The following ERC2 variants were observed in gnomAD, a reference collection of about 807,000 sequenced individuals.
ERC2 encodes the protein ELKS/RAB6-interacting/CAST family member 2.
ERC2 carries 42 observed loss-of-function variants against 114.8 expected under a neutral mutation model. That is an observed-to-expected ratio of 0.37 (90% confidence interval 0.29 to 0.47). ERC2 has a LOEUF of 0.47. ERC2 is among the 20% of genes least tolerant of loss of function. The probability of loss-of-function intolerance (pLI) is 0.99; values close to 1 mark genes in which losing one functional copy is unlikely to be tolerated. For missense variants in ERC2, 939 were observed against 1,150.7 expected (o/e 0.82, Z 2.66); for synonymous variants, 454 against 425.5 (o/e 1.07, Z -0.82).
intron 3 of ERC2, among the ~76,000 whole-genome samples, chr3:56,191,116 T>C (rs2083969770): frequency 6.6e-6 from 1 of 151,814 alleles, no homozygotes; most frequent in South Asian, 2.1e-4. Context: ...AGGGCACAGG[T>C]GGAGTTACAG....
chr3:55,935,781 C>T (rs1393694265), intron 13 of ERC2, among the ~76,000 whole-genome samples: 1 of 152,128 alleles, frequency 6.6e-6, no homozygotes, highest in Non-Finnish European at 1.5e-5. Context: ...TGTTACGCTG[C>T]CCTCCCTGCT....
intron 13 of ERC2, among the ~76,000 whole-genome samples, chr3:55,916,928 A>G (rs983160921): frequency 7.2e-5 from 11 of 152,210 alleles, no homozygotes; most frequent in African/African-American, 2.7e-4. Context: ...AAATGAGTAA[A>G]CAGTTTAATT....
intron 1 of ERC2, among the ~76,000 whole-genome samples, chr3:56,442,364 C>T (rs950880741): frequency 2.0e-5 from 3 of 152,078 alleles, no homozygotes; most frequent in East Asian, 1.9e-4. Context: ...GGACCACAAG[C>T]GCACACCCCC....
chr3:56,075,304 T>A (rs1386730653), intron 7 of ERC2, among the ~76,000 whole-genome samples: 2 of 152,138 alleles, frequency 1.3e-5, no homozygotes, highest in East Asian at 3.9e-4. Flanking sequence ...GACAGTGCAA[T>A]GTGAGGGCAG....
chr3:55,550,671 G>T (rs1342584437), intron 17 of ERC2, among the ~76,000 whole-genome samples: 1 of 152,160 alleles, frequency 6.6e-6, no homozygotes, highest in Non-Finnish European at 1.5e-5. Flanking sequence ...AGAGATGGGG[G>T]AAGATTTGAC....
chr3:55,730,525 T>C (rs1262991869), intron 15 of ERC2, among the ~76,000 whole-genome samples: 1 of 152,198 alleles, frequency 6.6e-6, no homozygotes, highest in Non-Finnish European at 1.5e-5. Context: ...AATAACTCAG[T>C]CACTTGTGGT....
rs145178112 is a variant in ERC2, at chr3:56,368,811, G to GA, written c.657+65539dup. 9.9e-3 allele frequency among the ~76,000 whole-genome samples: 1,447 copies of GA among 145,904 alleles called. 6 individuals are homozygous for GA. Among genetic ancestry groups the GA allele is most frequent in the Non-Finnish European group, 0.016 (1,039 of 66,354 alleles). On this transcript the variant is annotated intron_variant, in intron 2 of 17. Coordinates refer to ENST00000288221, the MANE Select transcript of ERC2 (RefSeq NM_015576.3). The stretch of plus-strand genomic sequence containing the variant: ...TCTTTATAATCTTCTTGTCTATTGA[G>GA]AAAAAAAAAATCAGAAAAAAAAAAC...
intron 3 of ERC2, among the ~76,000 whole-genome samples, chr3:56,225,167 CCCT>C (rs1206483715): frequency 6.6e-6 from 1 of 152,106 alleles, no homozygotes; most frequent in Non-Finnish European, 1.5e-5. Flanking sequence ...ACCATGTGCC[CCCT>C]CCTTTTTTCC....
At chr3:55,554,786 G>C (rs1385626902) in intron 17 of ERC2, among the ~76,000 whole-genome samples, 2 of 152,004 alleles carry the variant, frequency 1.3e-5, no homozygotes, top group Non-Finnish European at 2.9e-5. Context: ...TTAGGGCTCA[G>C]CCTAGGGGCA....
chr3:56,458,736 G>T (rs926238647), intron 1 of ERC2, among the ~76,000 whole-genome samples: 1 of 152,088 alleles, frequency 6.6e-6, no homozygotes, highest in Non-Finnish European at 1.5e-5. Context: ...GTCAAAATGC[G>T]AAACAAAGAA....
At chr3:56,254,250 T>C in intron 3 of ERC2, among the ~76,000 whole-genome samples, 1 of 152,238 alleles carries the variant, frequency 6.6e-6, no homozygotes, top group East Asian at 1.9e-4. Flanking sequence ...AAATACTTCC[T>C]TGGCTCCTCA....
intron 2 of ERC2, among the ~76,000 whole-genome samples, chr3:56,374,246 G>A (rs2059456542): frequency 1.3e-5 from 2 of 152,178 alleles, no homozygotes; most frequent in African/African-American, 2.4e-5. Context: ...ACAGGCGCCT[G>A]CCACCACGCC....
intron 17 of ERC2, among the ~76,000 whole-genome samples, chr3:55,520,800 A>G (rs2052875163): frequency 6.6e-6 from 1 of 152,186 alleles, no homozygotes; most frequent in Non-Finnish European, 1.5e-5. Context: ...ATAAAGTAAA[A>G]CACTGTTAAA....
At chr3:55,690,384 C>T (rs116928891) in intron 16 of ERC2, among the ~76,000 whole-genome samples, 42 of 152,238 alleles carry the variant, frequency 2.8e-4, no homozygotes, top group East Asian at 1.7e-3. Context: ...CCCTGCTTCC[C>T]GACATTTCAA....
intron 6 of ERC2, among the ~76,000 whole-genome samples, chr3:56,131,701 G>C (rs181633070): frequency 6.6e-6 from 1 of 151,958 alleles, no homozygotes; most frequent in African/African-American, 2.4e-5. Context: ...AGGGGTGAGG[G>C]GCGAAAGGGA....
chr3:56,145,713 A>C (rs1404212397), intron 5 of ERC2, among the ~76,000 whole-genome samples: 2 of 152,192 alleles, frequency 1.3e-5, no homozygotes, highest in Admixed American at 1.3e-4. Flanking sequence ...TGAGTTTTGC[A>C]ACCCATCTTC....
chr3:55,917,258 A>G (rs2065152708), intron 13 of ERC2, among the ~76,000 whole-genome samples: 1 of 152,208 alleles, frequency 6.6e-6, no homozygotes, highest in Non-Finnish European at 1.5e-5. Flanking sequence ...GCAAGAAAAA[A>G]TAAATGGCAG....
At chr3:55,523,705 T>C (rs1454268095) in intron 17 of ERC2, among the ~76,000 whole-genome samples, 1 of 152,196 alleles carries the variant, frequency 6.6e-6, no homozygotes, top group Non-Finnish European at 1.5e-5. Flanking sequence ...CTGAAGTGTT[T>C]CTTGTGTTCC....
intron 6 of ERC2, among the ~76,000 whole-genome samples, chr3:56,098,271 G>A (rs568423764): frequency 5.9e-5 from 9 of 152,224 alleles, no homozygotes; most frequent in South Asian, 2.1e-4. Context: ...TAAACCATAC[G>A]AATAGCAGAA....
Sources: allele counts gnomAD v4.1 joint callset (sites outside exome capture counted in the v4.1 genomes callset), GRCh38; gene constraint gnomAD v4.1.1; transcripts MANE v1.5; gene names NCBI Gene and HGNC (gene_info 2026-07-23, HGNC 2026-07-21).